Variants in MIB1 observed in about 807,000 individuals in gnomAD.
The protein encoded by MIB1 is E3 ubiquitin-protein ligase MIB1.
MIB1 carries 278 observed loss-of-function variants against 124.5 expected under a neutral mutation model. That is an observed-to-expected ratio of 2.23 (90% CI 2.02 to 2.47). MIB1 has a LOEUF of 2.47. MIB1 is among the 30% of genes most tolerant of loss of function. The pLI is 0.00. For synonymous variants in MIB1, 446 were observed against 429.4 expected (o/e 1.04, Z -0.48); for missense variants, 957 against 1,254.4 (o/e 0.76, Z 3.58).
chr18:21,828,462 C>G (rs947942145), intron 12 of MIB1: 1 of 151,820 alleles, frequency 6.6e-6, no homozygotes, highest in African/African-American at 2.4e-5. Context: ...AAAAAGAAAG[C>G]CTTTTTAAAA....
rs1457380883 is a variant in MIB1 at position 21,740,938 on chromosome 18, C to G, written c.-646C>G. ...GAAGGTGCCGCTCCGGCCTTGGGTA[C>G]GGCGGTACCCGGATGTGGAGTCGCT... On this transcript the variant is annotated 5_prime_UTR_variant, in exon 1 of 21. Transcript: ENST00000261537. Among the ~76,000 whole-genome samples the G allele has an allele frequency of 6.6e-6, 1 of 152,250 alleles. No homozygotes were observed. Among genetic ancestry groups the G allele is most frequent in the Non-Finnish European group, 1.5e-5 (1 of 68,040 alleles).
chr18:21,759,212 T>G (rs1159779367), intron 1 of MIB1, among the ~76,000 whole-genome samples: 1 of 150,912 alleles, frequency 6.6e-6, no homozygotes, highest in Non-Finnish European at 1.5e-5. Flanking sequence ...TCTATACATA[T>G]GTGTGTATAT....
intron 4 of MIB1, 91 bp from the exon 5 acceptor site, chr18:21,778,012 G>C (rs1379107032): frequency 2.3e-6 from 2 of 851,662 alleles, no homozygotes; most frequent in Non-Finnish European, 4.0e-6. Context: ...TCTGTTTTGG[G>C]TATGTTCTGA....
At chr18:21,776,268 CAAAA>C (rs11298130) in intron 4 of MIB1, among the ~76,000 whole-genome samples, 10 of 130,908 alleles carry the variant, frequency 7.6e-5, no homozygotes, top group Non-Finnish European at 1.1e-4. Context: ...GACCCTGTCT[CAAAA>C]AAAAAAAAAA....
chr18:21,815,829 A>T lies in MIB1; in HGVS notation c.1677+16A>T, dbSNP rs368200150. ...CAGTCTCCAGGTAAAACCTTTAAAGAAACACATCCTGCAGGTATTGCTAGG... is the reference window on the plus strand; with the variant it reads ...CAGTCTCCAGGTAAAACCTTTAAAGTAACACATCCTGCAGGTATTGCTAGG... On this transcript the variant is annotated intron_variant, in intron 11 of 20. Coordinates refer to ENST00000261537, the MANE Select transcript of MIB1 (RefSeq NM_020774.4). 1.9e-6 allele frequency: 3 copies of T among 1,607,944 alleles called. No homozygotes were observed. The African/African-American group carries it at 4.0e-5, about 21-fold the overall frequency.
chr18:21,761,600 C>T (rs2041098346), intron 1 of MIB1, among the ~76,000 whole-genome samples: 1 of 152,152 alleles, frequency 6.6e-6, no homozygotes, highest in African/African-American at 2.4e-5. Context: ...GAGGCTGCTT[C>T]CCTCCCTCAG....
At chr18:21,864,349 C>T (rs990612569) in intron 20 of MIB1, among the ~76,000 whole-genome samples, 177 bp from the exon 21 acceptor site, 2 of 152,026 alleles carry the variant, frequency 1.3e-5, no homozygotes, top group Non-Finnish European at 2.9e-5. Flanking sequence ...ACCAGTGTTT[C>T]TATTTTATTT....
chr18:21,858,922 A>G (rs1385583019), intron 20 of MIB1, among the ~76,000 whole-genome samples: 1 of 152,256 alleles, frequency 6.6e-6, no homozygotes, highest in Non-Finnish European at 1.5e-5. Flanking sequence ...CATAAGTATT[A>G]GATTGAGGAA....
chr18:21,729,303 C>T (rs2040757207), intron 1 of MIB1, among the ~76,000 whole-genome samples: 3 of 152,218 alleles, frequency 2.0e-5, no homozygotes, highest in Admixed American at 6.5e-5. Context: ...ATACCTTAGA[C>T]TGGGTAATTT....
chr18:21,841,697 T>A lies in MIB1; in HGVS notation c.1963-1434T>A, dbSNP rs149251459. 1.5e-3 allele frequency among the ~76,000 whole-genome samples: 222 copies of A among 152,252 alleles called. 2 individuals are homozygous for A. Among genetic ancestry groups the A allele is most frequent in the African/African-American group, 5.1e-3 (214 of 41,558 alleles). ...CAAAGTTTGACATATATTTATCATG[T>A]GACTCAGCTATCCCACTTCTAGGTA... On this transcript the variant is annotated intron_variant, in intron 13 of 20. Coordinates refer to ENST00000261537, the MANE Select transcript of MIB1 (RefSeq NM_020774.4).
intron 9 of MIB1, among the ~76,000 whole-genome samples, chr18:21,801,827 G>A (rs981113235): frequency 3.3e-5 from 5 of 151,954 alleles, no homozygotes; most frequent in South Asian, 2.1e-4. Flanking sequence ...GATAATCTCC[G>A]TCTGAACAGG....
chr18:21,867,534 G>A lies in MIB1; in HGVS notation c.*2868G>A, dbSNP rs117584875. 651 of 152,654 alleles carry A rather than the reference G, an allele frequency of 4.3e-3. 3 individuals carry two copies. The highest frequency in any genetic ancestry group is 6.2e-3 in the Non-Finnish European group (419 of 67,978). 9.5% of individuals were successfully genotyped at this position (152,654 alleles called of 1,614,324 possible). A position where few individuals can be genotyped will look rare whatever the true frequency, so the allele number is the denominator to read the frequency against. ...AAAAGATAATTTTGTATTAGTGTAG[G>A]AATATATTAGACAAATGTTTAGTTG... On this transcript the variant is annotated 3_prime_UTR_variant, in exon 21 of 21. Transcript: ENST00000261537.
intron 1 of MIB1, among the ~76,000 whole-genome samples, chr18:21,765,248 A>T (rs560919491): frequency 6.6e-6 from 1 of 152,320 alleles, no homozygotes; most frequent in African/African-American, 2.4e-5. Flanking sequence ...TAAAATAGGG[A>T]AACTTGCTTC....
intron 6 of MIB1, among the ~76,000 whole-genome samples, chr18:21,790,840 A>C (rs868625417): frequency 3.9e-5 from 6 of 152,244 alleles, no homozygotes. Context: ...AACGTATACC[A>C]AAGTATTTAC....
intron 17 of MIB1, among the ~76,000 whole-genome samples, chr18:21,852,475 G>GTT (rs534718445): frequency 6.6e-6 from 1 of 152,126 alleles, no homozygotes; most frequent in Non-Finnish European, 1.5e-5. Flanking sequence ...GATACAGGAA[G>GTT]CCAGAGCCAA....
At chr18:21,793,418 A>G (rs1014038377) in intron 7 of MIB1, among the ~76,000 whole-genome samples, 5 of 152,190 alleles carry the variant, frequency 3.3e-5, no homozygotes, top group African/African-American at 1.2e-4. Flanking sequence ...AGAAGGGATC[A>G]TGGTTAAATT....
At chr18:21,835,513 A>G (rs1168830795) in intron 12 of MIB1, among the ~76,000 whole-genome samples, 1 of 152,100 alleles carries the variant, frequency 6.6e-6, no homozygotes, top group Non-Finnish European at 1.5e-5. Context: ...CACGCCTGTA[A>G]TCCCAGCACT....
At chr18:21,795,371 AATATAT>A (rs1384353438) in intron 7 of MIB1, among the ~76,000 whole-genome samples, 2 of 143,896 alleles carry the variant, frequency 1.4e-5, no homozygotes, top group African/African-American at 2.5e-5. Context: ...ATAATATATA[AATATAT>A]ATTTATATTT....
At chr18:21,835,906 C>T (rs1040354022) in intron 12 of MIB1, among the ~76,000 whole-genome samples, 3 of 147,644 alleles carry the variant, frequency 2.0e-5, no homozygotes, top group African/African-American at 7.5e-5. Context: ...TTTGAGTATA[C>T]ATCTATAATC....
Sources: gnomAD v4.1 joint callset for allele counts (sites outside exome capture counted in the v4.1 genomes callset) on GRCh38, gnomAD v4.1.1 for gene constraint, MANE v1.5 for transcripts, NCBI Gene and HGNC (gene_info 2026-07-23, HGNC 2026-07-21) for gene names.